Variants in POU2F2 observed in about 807,000 individuals in gnomAD.
The protein encoded by POU2F2 is POU class 2 homeobox 2.
In POU2F2, 14 loss-of-function variants were observed where a neutral mutation model predicts 63.5. That is an observed-to-expected ratio of 0.22 (90% CI 0.15 to 0.34). The LOEUF (loss-of-function observed/expected upper bound fraction) is 0.34, where lower values mean the gene tolerates loss of function less well. POU2F2 is among the 10% of genes least tolerant of loss of function. POU2F2 has a pLI of 1.00. For missense variants in POU2F2, 607 were observed against 815.2 expected (o/e 0.74, Z 3.11); for synonymous variants, 306 against 348.6 (o/e 0.88, Z 1.36).
chr19:42,197,641 G>A (rs565619509), upstream of POU2F2, among the ~76,000 whole-genome samples: 1 of 152,160 alleles, frequency 6.6e-6, no homozygotes, highest in African/African-American at 2.4e-5. Flanking sequence ...TGAGGGGTGG[G>A]GGAAGGGCAG....
In POU2F2 at chr19:42,162,437, C is replaced by T. The variant is rs139771832; in HGVS notation, c.-69-2045G>A. 1.8e-3 allele frequency among the ~76,000 whole-genome samples: 268 copies of T among 152,236 alleles called. 3 individuals are homozygous for T. Among genetic ancestry groups the T allele is most frequent in the African/African-American group, 6.1e-3 (254 of 41,530 alleles). ...TTAGAAGATGTCTTCCCCCATTGTACAGATGGGGACCCTGAGGAACAGAGA... is the reference window on the plus strand; with the variant it reads ...TTAGAAGATGTCTTCCCCCATTGTATAGATGGGGACCCTGAGGAACAGAGA... On this transcript the variant is annotated intron_variant, in intron 1 of 6. Coordinates refer to the POU2F2 transcript ENST00000524801. The surrounding 1 kb of genome is among the most constrained non-coding windows in gnomAD (Gnocchi z 4.1).
chr19:42,121,045 G>A (rs1242174554), intron 4 of POU2F2, among the ~76,000 whole-genome samples: 2 of 152,124 alleles, frequency 1.3e-5, no homozygotes, highest in African/African-American at 2.4e-5. Flanking sequence ...AGGAAGGGGA[G>A]GGAGAAACCT....
chr19:42,101,932 G>A (rs896877840), intron 5 of POU2F2, among the ~76,000 whole-genome samples: 8 of 150,774 alleles, frequency 5.3e-5, no homozygotes, highest in African/African-American at 2.0e-4. Context: ...AGTTCAGATT[G>A]CGCCACTGCA....
chr19:42,086,572 G>C lies in POU2F2; in HGVS notation c.*4685C>G, dbSNP rs1335889179. On this transcript the variant is annotated 3_prime_UTR_variant, in exon 15 of 15. Transcript: ENST00000692977. ...CTTGCCCTAGTGCAGCCCTGGATTT[G>C]GAAGGTGATGGTGGAAGCAGTGGGA... 6.6e-6 allele frequency: 1 copy of C among 152,192 alleles called. No individual in the cohort carries two copies. The highest frequency in any genetic ancestry group is 1.5e-5 in the Non-Finnish European group (1 of 68,096). The allele number at this position is 152,192 out of a possible 1,614,324, so 9.4% of individuals were successfully genotyped here. A position where few individuals can be genotyped will look rare whatever the true frequency, so the allele number is the denominator to read the frequency against.
intron 2 of POU2F2, among the ~76,000 whole-genome samples, chr19:42,142,716 C>T (rs2034154259): frequency 6.6e-6 from 1 of 152,086 alleles, no homozygotes; most frequent in African/African-American, 2.4e-5. Flanking sequence ...GCACATGCTA[C>T]CACACCCAGC....
At chr19:42,188,936 GAA>G (rs1236683875) in intron 1 of POU2F2, among the ~76,000 whole-genome samples, 10 of 151,322 alleles carry the variant, frequency 6.6e-5, no homozygotes, top group African/African-American at 2.4e-4. Context: ...AGGAAGGAAG[GAA>G]GGAAGGAAGG....
chr19:42,180,165 T>G (rs569345871), upstream of POU2F2, among the ~76,000 whole-genome samples: 5 of 152,264 alleles, frequency 3.3e-5, no homozygotes, highest in Non-Finnish European at 7.4e-5. Flanking sequence ...CCATACTGTG[T>G]GGGCACAACA....
chr19:42,193,818 T>C lies in POU2F2; in HGVS notation c.-70+2565A>G, dbSNP rs563870427. Among the ~76,000 whole-genome samples, 11 of 152,324 alleles carry C rather than the reference T, an allele frequency of 7.2e-5. No homozygotes were observed. The South Asian group carries it at 2.1e-3, about 29-fold the overall frequency. On this transcript the variant is annotated intron_variant, in intron 1 of 5. Transcript: ENST00000532176. The stretch of plus-strand genomic sequence containing the variant: ...CAAAAACCATGCACAAGAATGTTCA[T>C]AGCAGCATTATTCATAATAGCCTCC...
intron 1 of POU2F2, among the ~76,000 whole-genome samples, chr19:42,161,825 G>T (rs529103747): frequency 1.3e-5 from 2 of 152,220 alleles, no homozygotes; most frequent in South Asian, 4.1e-4. Flanking sequence ...CCCGCTCAGG[G>T]GCTGCTTCCC....
intron 1 of POU2F2, among the ~76,000 whole-genome samples, chr19:42,168,737 C>T (rs971072408): frequency 2.0e-5 from 3 of 152,200 alleles, no homozygotes; most frequent in Non-Finnish European, 4.4e-5. Flanking sequence ...CATCTGAGTG[C>T]TGCATTATTT....
At chr19:42,115,498 G>A (rs901250272) in intron 5 of POU2F2, among the ~76,000 whole-genome samples, 55 of 152,344 alleles carry the variant, frequency 3.6e-4, no homozygotes, top group Non-Finnish European at 3.8e-4. Context: ...TGGCTTTGCT[G>A]TAGGGCTTCC....
chr19:42,190,984 G>A (rs1227744886), intron 1 of POU2F2, among the ~76,000 whole-genome samples: 2 of 151,064 alleles, frequency 1.3e-5, no homozygotes, highest in Non-Finnish European at 2.9e-5. Flanking sequence ...CAAGAATCAC[G>A]TGAACCCAAG....
In POU2F2 at chr19:42,122,272, G is replaced by A. The variant is rs147639488; in HGVS notation, c.129+72C>T. 307 of 1,471,238 alleles carry A rather than the reference G, an allele frequency of 2.1e-4. 2 individuals carry two copies. The African/African-American group carries it at 3.7e-3, about 18-fold the overall frequency. 91.1% of individuals were successfully genotyped at this position (1,471,238 alleles called of 1,614,324 possible). A position where few individuals can be genotyped will look rare whatever the true frequency, so the allele number is the denominator to read the frequency against. On this transcript the variant is annotated intron_variant, in intron 3 of 14. Transcript: ENST00000692977. The stretch of plus-strand genomic sequence containing the variant: ...CGCTCCCTGCCCTCCTACCATAGGC[G>A]GCACAGAGCCCCCTCTGAACCCCTC...
At chr19:42,126,754 C>T (rs1274190661) in intron 1 of POU2F2, among the ~76,000 whole-genome samples, 1 of 152,146 alleles carries the variant, frequency 6.6e-6, no homozygotes, top group African/African-American at 2.4e-5. Context: ...TGTCCAGGTT[C>T]CTTCCCCACA....
At chr19:42,132,603 T>C (rs2033848842), upstream of POU2F2, 7 of 449,442 alleles carry the variant, frequency 1.6e-5, no homozygotes, top group Admixed American at 4.4e-5. Flanking sequence ...GTGTGTGTGC[T>C]GGGGGGTGGG....
At chr19:42,093,952 T>C in intron 11 of POU2F2, 57 bp from the exon 12 acceptor site, 1 of 1,510,946 alleles carries the variant, frequency 6.6e-7, no homozygotes, top group Admixed American at 1.7e-5. Context: ...GCCCCCGTGA[T>C]GCTCCCTGTA....
Position 42,095,655 on chromosome 19 carries a change from G to T in POU2F2, c.910C>A (p.Gln304Lys), listed in dbSNP as rs1599939733. The T allele has an allele frequency of 2.5e-6, 4 of 1,612,876 alleles. No homozygotes were observed. The South Asian group carries it at 3.3e-5, about 13-fold the overall frequency. The change falls in exon 10 of 15, where the codon CAG becomes AAG. Residue 304 changes from glutamine to lysine, a missense_variant. Coordinates refer to ENST00000692977, the MANE Select transcript of POU2F2 (RefSeq NM_001394376.1). The surrounding 1 kb of genome is among the most constrained non-coding windows in gnomAD (Gnocchi z 7.1). The stretch of plus-strand genomic sequence containing the variant: ...AAACCCAGGCTGGGGCTGCTCAGCT[G>T]GTTGGGGCTGGGCAGGCTTGAGTCC... Reference protein sequence around the residue: ...SVDSSLPSPNQLSSPSLGFDG... With the variant: ...SVDSSLPSPNKLSSPSLGFDG...
At chr19:42,114,675 C>T (rs1012927018) in intron 5 of POU2F2, among the ~76,000 whole-genome samples, 1 of 152,154 alleles carries the variant, frequency 6.6e-6, no homozygotes, top group Non-Finnish European at 1.5e-5. Context: ...ACTTCCAGGC[C>T]GGCTCTAACA....
intron 1 of POU2F2, among the ~76,000 whole-genome samples, chr19:42,182,605 G>A (rs2034974712): frequency 1.3e-5 from 2 of 152,192 alleles, no homozygotes; most frequent in Non-Finnish European, 2.9e-5. Context: ...CTATGGGAAG[G>A]TGTTCGAGTC....
Sources: allele counts gnomAD v4.1 joint callset (sites outside exome capture counted in the v4.1 genomes callset), GRCh38; gene constraint gnomAD v4.1.1; non-coding constraint Gnocchi (gnomAD v3.1); transcripts MANE v1.5; gene names NCBI Gene and HGNC (gene_info 2026-07-23, HGNC 2026-07-21).